RLF: variants seen among roughly 807,000 people sequenced by gnomAD.
The protein encoded by RLF is RLF zinc finger.
A neutral mutation model predicts 162.9 loss-of-function variants in RLF; 7 were observed. That is an observed-to-expected ratio of 0.04 (90% CI 0.02 to 0.08). The LOEUF (loss-of-function observed/expected upper bound fraction) is 0.08, where lower values mean the gene tolerates loss of function less well. Ranked by LOEUF, RLF falls within the 10% of genes least tolerant of loss-of-function variation. The probability of loss-of-function intolerance (pLI) is 1.00; values close to 1 mark genes in which losing one functional copy is unlikely to be tolerated. For synonymous variants in RLF, 782 were observed against 791.5 expected (o/e 0.99, Z 0.20); for missense variants, 1,664 against 2,244.7 (o/e 0.74, Z 5.23).
chr1:40,215,192 A>C (rs1398659378), intron 5 of RLF, among the ~76,000 whole-genome samples: 1 of 152,158 alleles, frequency 6.6e-6, no homozygotes, highest in Non-Finnish European at 1.5e-5. Flanking sequence ...CAAACATGAG[A>C]GTTGGAGACT....
chr1:40,211,084 T>A (rs1642859017), intron 5 of RLF, among the ~76,000 whole-genome samples: 1 of 152,208 alleles, frequency 6.6e-6, no homozygotes, highest in African/African-American at 2.4e-5. Flanking sequence ...GCTTTTGTGC[T>A]ACAGTGGCAG....
At chr1:40,192,178 A>G (rs1025419685) in intron 3 of RLF, among the ~76,000 whole-genome samples, 1 of 152,228 alleles carries the variant, frequency 6.6e-6, no homozygotes, top group Non-Finnish European at 1.5e-5. Context: ...ATATCCGTAC[A>G]GCTGCTAAAA....
intron 6 of RLF, among the ~76,000 whole-genome samples, chr1:40,225,975 C>A (rs1392434405): frequency 6.6e-6 from 1 of 151,072 alleles, no homozygotes; most frequent in Admixed American, 6.6e-5. Context: ...TCGCTTGAGC[C>A]TGGGAGTGGA....
At chr1:40,231,394 T>C (rs773962998) in intron 6 of RLF, 123 bp from the exon 7 acceptor site, 45 of 745,890 alleles carry the variant, frequency 6.0e-5, no homozygotes, top group Non-Finnish European at 9.5e-5. Flanking sequence ...ATAGACAGCT[T>C]TTAATCTAGT....
In RLF at chr1:40,240,208, A is replaced by G. The variant is rs754838602; in HGVS notation, c.5506A>G (p.Ile1836Val). The G allele has an allele frequency of 2.5e-6, 4 of 1,614,176 alleles. No individual in the cohort carries two copies. Among genetic ancestry groups the G allele is most frequent in the South Asian group, 1.1e-5 (1 of 91,084 alleles). Reference protein sequence around the residue: ...DIPHSSSDSTIHENLTAIPPL... With the variant: ...DIPHSSSDSTVHENLTAIPPL... The stretch of plus-strand genomic sequence containing the variant: ...ACCTCATTCTTCCAGTGACTCTACA[A>G]TTCATGAGAACCTGACTGCAATCCC... The change falls in exon 8 of 8, where the codon ATT (isoleucine) becomes GTT (valine). Residue 1836 changes from isoleucine (I) to valine (V), a missense_variant. Around this residue, in one of 15 missense-constraint regions of RLF, gnomAD observed 327 missense variants for 342.7 expected, o/e 0.95. Transcript: ENST00000372771.
intron 1 of RLF, among the ~76,000 whole-genome samples, chr1:40,169,304 C>T (rs1234178242): frequency 1.3e-5 from 2 of 151,850 alleles, no homozygotes; most frequent in African/African-American, 2.4e-5. Flanking sequence ...TGTTTCACTC[C>T]GTATGATATA....
At chr1:40,228,321 G>A (rs970791604) in intron 6 of RLF, among the ~76,000 whole-genome samples, 6 of 149,246 alleles carry the variant, frequency 4.0e-5, no homozygotes, top group African/African-American at 1.5e-4. Context: ...GCTCATGCAT[G>A]TAATGTAATC....
intron 6 of RLF, among the ~76,000 whole-genome samples, chr1:40,228,726 A>AT (rs11370671): frequency 0.32 from 48,951 of 151,814 alleles, 9,183 homozygotes; most frequent in African/African-American, 0.52. Flanking sequence ...GGCTCAAGTG[A>AT]TCTCCCACCT....
intron 5 of RLF, among the ~76,000 whole-genome samples, chr1:40,221,899 C>CAAAAAAAAAAAAAAAAAAAAAAAAAAAAA (rs895455745): frequency 7.7e-5 from 5 of 65,042 alleles, no homozygotes; most frequent in Admixed American, 1.8e-4. Flanking sequence ...GACTCCGTCT[C>CAAAAAAAAAAAAAAAAAAAAAAAAAAAAA]AAAAAAAAAA....
intron 5 of RLF, among the ~76,000 whole-genome samples, chr1:40,211,075 CT>C (rs1436980846): frequency 6.6e-6 from 1 of 152,214 alleles, no homozygotes. Context: ...TCTGTGGCTG[CT>C]TTTGTGCTAC....
intron 1 of RLF, among the ~76,000 whole-genome samples, chr1:40,182,949 C>T (rs913530623): frequency 6.6e-6 from 1 of 152,124 alleles, no homozygotes; most frequent in Non-Finnish European, 1.5e-5. Flanking sequence ...CAGCTGTTCT[C>T]TCCCCATTTC....
intron 1 of RLF, among the ~76,000 whole-genome samples, chr1:40,184,504 CAT>C (rs1463921709): frequency 6.6e-6 from 1 of 152,154 alleles, no homozygotes; most frequent in Non-Finnish European, 1.5e-5. Flanking sequence ...GCAGATGGAA[CAT>C]AGGAGGAAGA....
chr1:40,199,222 G>C (rs1642677488), intron 4 of RLF, among the ~76,000 whole-genome samples: 1 of 152,208 alleles, frequency 6.6e-6, no homozygotes, highest in Non-Finnish European at 1.5e-5. Context: ...CAGTTGCTAA[G>C]TGCATGGTTT....
chr1:40,219,665 A>G (rs1229146283), intron 5 of RLF, among the ~76,000 whole-genome samples: 5 of 152,228 alleles, frequency 3.3e-5, no homozygotes, highest in Non-Finnish European at 5.9e-5. Flanking sequence ...TTAATAGGTA[A>G]TGAAAATGTG....
At chr1:40,219,520 T>G (rs1394645153) in intron 5 of RLF, among the ~76,000 whole-genome samples, 2 of 152,120 alleles carry the variant, frequency 1.3e-5, no homozygotes, top group East Asian at 3.9e-4. Flanking sequence ...AAGTCTAGAG[T>G]GATATTCCTG....
intron 4 of RLF, among the ~76,000 whole-genome samples, chr1:40,198,629 TTA>T (rs1642670548): frequency 6.6e-6 from 1 of 152,190 alleles, no homozygotes. Context: ...ATCTTAAGTG[TTA>T]CTGTTTTTAC....
intron 3 of RLF, among the ~76,000 whole-genome samples, chr1:40,194,937 G>A (rs1252517298): frequency 6.6e-6 from 1 of 151,750 alleles, no homozygotes; most frequent in Non-Finnish European, 1.5e-5. Context: ...AGGCTCAAGT[G>A]ATTCTCCTGC....
chr1:40,227,915 A>G (rs1348506008), intron 6 of RLF, among the ~76,000 whole-genome samples: 1 of 152,120 alleles, frequency 6.6e-6, no homozygotes, highest in Non-Finnish European at 1.5e-5. Flanking sequence ...AGGCAGGAGA[A>G]TCGCTTGAAC....
In RLF at chr1:40,202,351, T is replaced by C. The variant is rs942186911; in HGVS notation, c.608-61T>C. The C allele has an allele frequency of 3.8e-5, 41 of 1,073,618 alleles. No homozygotes were observed. The East Asian group carries it at 1.1e-3, about 28-fold the overall frequency. 66.5% of individuals were successfully genotyped at this position (1,073,618 alleles called of 1,614,324 possible). A position where few individuals can be genotyped will look rare whatever the true frequency, so the allele number is the denominator to read the frequency against. On this transcript the variant is annotated intron_variant, in intron 4 of 7. Coordinates refer to ENST00000372771, the MANE Select transcript of RLF (RefSeq NM_012421.4). ...ATAAAAAGATCTCAAACTTTCATCT[T>C]AGCAAGTCTGACATGTTATGTGGTA...
Sources: gnomAD v4.1 joint callset for allele counts (sites outside exome capture counted in the v4.1 genomes callset) on GRCh38, gnomAD v4.1.1 for gene constraint, gnomAD v4.1.1 regional missense constraint, MANE v1.5 for transcripts, NCBI Gene and HGNC (gene_info 2026-07-23, HGNC 2026-07-21) for gene names.